The following DLG2 variants were observed in gnomAD, a reference collection of about 807,000 sequenced individuals.
DLG2 encodes the protein disks large homolog 2.
DLG2 carries 45 observed loss-of-function variants against 132.5 expected under a neutral mutation model. That is an observed-to-expected ratio of 0.34 (90% CI 0.27 to 0.44). DLG2 has a LOEUF of 0.44. Ranked by LOEUF, DLG2 falls within the 20% of genes least tolerant of loss-of-function variation. The pLI, the probability that DLG2 is intolerant of heterozygous loss-of-function variation, is 1.00. For synonymous variants in DLG2, 424 were observed against 419.6 expected (o/e 1.01, Z -0.13); for missense variants, 1,045 against 1,196.9 (o/e 0.87, Z 1.87).
At chr11:84,972,894 A>G (rs1323592108) in intron 6 of DLG2, among the ~76,000 whole-genome samples, 5 of 150,644 alleles carry the variant, frequency 3.3e-5, no homozygotes, top group African/African-American at 4.9e-5. Flanking sequence ...TTTTAGTCCC[A>G]CTGTCCATTG....
chr11:83,743,449 T>TTTTTTTTTTTTTTTA lies in DLG2; in HGVS notation c.1825+43240_1825+43241insTAAAAAAAAAAAAAA, dbSNP rs1555372680. 2.2e-3 allele frequency among the ~76,000 whole-genome samples: 278 copies of TTTTTTTTTTTTTTTA among 124,066 alleles called. 49 individuals carry two copies. The highest frequency in any genetic ancestry group is 0.011 in the African/African-American group (260 of 24,104). The allele number at this position is 124,066 out of a possible 152,430, so 81.4% of individuals were successfully genotyped here. A position where few individuals can be genotyped will look rare whatever the true frequency, so the allele number is the denominator to read the frequency against. On this transcript the variant is annotated intron_variant, in intron 18 of 27. Transcript: ENST00000376104. ...AGGCCATTTTTTTTTTTTTTTTTTT[T>TTTTTTTTTTTTTTTA]ATGACAGGGTCTCACTTTGTCACCC...
intron 4 of DLG2, among the ~76,000 whole-genome samples, chr11:85,222,705 G>A (rs2074729663): frequency 6.6e-6 from 1 of 152,166 alleles, no homozygotes; most frequent in African/African-American, 2.4e-5. Flanking sequence ...TTGTTCTTGA[G>A]ATAGAAAATA....
At chr11:84,502,210 CCTTCCTTCCT>C (rs1567803388) in intron 7 of DLG2, among the ~76,000 whole-genome samples, 737 of 14,124 alleles carry the variant, frequency 0.052, 214 homozygotes, top group South Asian at 0.088. Flanking sequence ...CTCCTTCCTT[CCTTCCTTCCT>C]TCCTTCCTTC....
At chr11:85,490,324 G>A (rs2093527504) in intron 3 of DLG2, among the ~76,000 whole-genome samples, 1 of 151,898 alleles carries the variant, frequency 6.6e-6, no homozygotes, top group African/African-American at 2.4e-5. Context: ...TGAAAAAATA[G>A]TAGAAAGTAG....
chr11:84,554,759 A>AATC (rs1283602702), intron 6 of DLG2, among the ~76,000 whole-genome samples: 2 of 152,106 alleles, frequency 1.3e-5, no homozygotes, highest in Non-Finnish European at 1.5e-5. Context: ...TAATAATAAT[A>AATC]ATAATGAAGG....
chr11:85,372,165 A>G (rs1322839515), intron 3 of DLG2, among the ~76,000 whole-genome samples: 1 of 152,214 alleles, frequency 6.6e-6, no homozygotes, highest in Non-Finnish European at 1.5e-5. Flanking sequence ...CTGGATCAAT[A>G]TTCTAGTTCT....
chr11:85,161,120 C>G (rs2077995714), intron 4 of DLG2, among the ~76,000 whole-genome samples: 2 of 152,122 alleles, frequency 1.3e-5, no homozygotes, highest in South Asian at 2.1e-4. Context: ...TCTGAGTGGT[C>G]AAAAACCGTG....
intron 6 of DLG2, among the ~76,000 whole-genome samples, chr11:84,727,654 T>C (rs2062648328): frequency 2.0e-5 from 3 of 152,170 alleles, no homozygotes; most frequent in Non-Finnish European, 1.5e-5. Context: ...GGTAGGTTGA[T>C]GGAGATAGCA....
At chr11:84,276,613 G>C (rs777532326) in intron 7 of DLG2, among the ~76,000 whole-genome samples, 3 of 152,154 alleles carry the variant, frequency 2.0e-5, no homozygotes, top group Admixed American at 6.5e-5. Context: ...CTTCCTGTTA[G>C]CACGATGCTT....
At chr11:85,262,999 G>A (rs1222257009) in intron 4 of DLG2, among the ~76,000 whole-genome samples, 1 of 152,168 alleles carries the variant, frequency 6.6e-6, no homozygotes, top group Non-Finnish European at 1.5e-5. Flanking sequence ...TTGTCCCATG[G>A]TGGGACCAAA....
intron 16 of DLG2, among the ~76,000 whole-genome samples, chr11:83,834,695 A>T (rs539854243): frequency 8.5e-5 from 13 of 152,350 alleles, no homozygotes; most frequent in Non-Finnish European, 1.8e-4. Context: ...TTTGAGGATC[A>T]TCAATAAAAA....
intron 7 of DLG2, among the ~76,000 whole-genome samples, chr11:84,414,707 A>G (rs761734209): frequency 6.6e-6 from 1 of 152,188 alleles, no homozygotes; most frequent in African/African-American, 2.4e-5. Context: ...TCCTAATATT[A>G]TGCGACTATT....
At chr11:85,050,325 T>A (rs990949630) in intron 6 of DLG2, among the ~76,000 whole-genome samples, 2 of 151,982 alleles carry the variant, frequency 1.3e-5, no homozygotes, top group East Asian at 3.9e-4. Flanking sequence ...GAAGAAAATA[T>A]AAAAAAGAAT....
intron 7 of DLG2, among the ~76,000 whole-genome samples, chr11:84,522,544 G>A (rs1046967155): frequency 2.6e-5 from 4 of 152,208 alleles, no homozygotes; most frequent in Non-Finnish European, 4.4e-5. Context: ...TCTGCCTTCA[G>A]AGTGACTTTG....
chr11:84,199,373 C>T (rs2096563026), intron 8 of DLG2, among the ~76,000 whole-genome samples: 1 of 152,086 alleles, frequency 6.6e-6, no homozygotes, highest in African/African-American at 2.4e-5. Context: ...GCAGAGCTCT[C>T]ACTCTCTGGG....
chr11:83,869,699 G>C (rs1315696069), intron 16 of DLG2, among the ~76,000 whole-genome samples: 1 of 152,078 alleles, frequency 6.6e-6, no homozygotes. Flanking sequence ...TTTTTGGTGG[G>C]GTTAGTTAGA....
chr11:84,313,009 A>G (rs905055588), intron 7 of DLG2, among the ~76,000 whole-genome samples: 1 of 151,820 alleles, frequency 6.6e-6, no homozygotes, highest in African/African-American at 2.4e-5. Context: ...ACGGGGCTTC[A>G]CCATGTTGGC....
At chr11:85,426,958 G>A (rs1381761460) in intron 3 of DLG2, among the ~76,000 whole-genome samples, 10 of 152,174 alleles carry the variant, frequency 6.6e-5, no homozygotes, top group East Asian at 1.9e-4. Context: ...GAAAACCAAG[G>A]CACGAGAAAT....
chr11:84,000,530 A>T (rs2094292192), intron 11 of DLG2, among the ~76,000 whole-genome samples: 1 of 152,088 alleles, frequency 6.6e-6, no homozygotes, highest in African/African-American at 2.4e-5. Flanking sequence ...AGATATCCTT[A>T]CAGATACAAT....
Sources: gnomAD v4.1 joint callset for allele counts (sites outside exome capture counted in the v4.1 genomes callset) on GRCh38, gnomAD v4.1.1 for gene constraint, MANE v1.5 for transcripts, NCBI Gene and HGNC (gene_info 2026-07-23, HGNC 2026-07-21) for gene names.